The following TTC28 variants were observed in gnomAD, a reference collection of about 807,000 sequenced individuals.
The protein encoded by TTC28 is tetratricopeptide repeat domain 28, also known as tetratricopeptide repeat protein 28.
A neutral mutation model predicts 198.0 loss-of-function variants in TTC28; 61 were observed. The ratio of observed to expected loss-of-function variants is 0.31; its 90% CI spans 0.25 to 0.38. The LOEUF (loss-of-function observed/expected upper bound fraction) is 0.38, where lower values mean the gene tolerates loss of function less well. Ranked by LOEUF, TTC28 falls within the 10% of genes least tolerant of loss-of-function variation. The pLI is 1.00. For missense variants in TTC28, 2,678 were observed against 3,164.0 expected, an observed-to-expected ratio of 0.85 and a Z score of 3.69; for synonymous variants, 1,171 against 1,297.8, an observed-to-expected ratio of 0.90 and a Z score of 2.10.
chr22:28,444,458 G>A (rs1411461114), intron 2 of TTC28, among the ~76,000 whole-genome samples: 1 of 152,104 alleles, frequency 6.6e-6, no homozygotes, highest in Non-Finnish European at 1.5e-5. Context: ...TCTTTTCCAA[G>A]CCTGAGAATC....
intron 2 of TTC28, among the ~76,000 whole-genome samples, chr22:28,610,160 G>A (rs1255502563): frequency 1.8e-4 from 28 of 152,156 alleles, no homozygotes; most frequent in Non-Finnish European, 1.0e-4. Flanking sequence ...CATGGGTGCA[G>A]CTTCAGCAGA....
rs1232030443 is a variant in TTC28 at position 28,306,478 on chromosome 22, T to C, written c.529+18A>G. 1.9e-6 allele frequency: 3 copies of C among 1,544,942 alleles called. No individual in the cohort carries two copies. In the South Asian group the frequency reaches 3.6e-5, roughly 19 times the overall value. On this transcript the variant is annotated intron_variant, in intron 3 of 22. Coordinates refer to ENST00000397906, the MANE Select transcript of TTC28 (RefSeq NM_001145418.2). ...TTCTTTAAATTAATGTTATACCAAG[T>C]ACTTTTATCATATTTACCTCTCATG...
intron 2 of TTC28, among the ~76,000 whole-genome samples, chr22:28,371,509 C>CAAA (rs1229801209): frequency 0.016 from 100 of 6,102 alleles, 13 homozygotes; most frequent in South Asian, 0.16. Context: ...GACCCTGTCT[C>CAAA]AAAAAAAAAA....
chr22:28,616,304 A>G (rs1405906016), intron 2 of TTC28, among the ~76,000 whole-genome samples: 1 of 152,214 alleles, frequency 6.6e-6, no homozygotes, highest in Admixed American at 6.5e-5. Context: ...GATAAAAATG[A>G]TATCTACCTC....
chr22:28,261,612 G>T (rs1037664319), intron 5 of TTC28, among the ~76,000 whole-genome samples: 3 of 152,122 alleles, frequency 2.0e-5, no homozygotes, highest in African/African-American at 7.2e-5. Context: ...CACATAAAAA[G>T]AATTCAAATA....
chr22:28,225,286 C>T (rs778440411), intron 5 of TTC28, among the ~76,000 whole-genome samples: 35 of 150,900 alleles, frequency 2.3e-4, no homozygotes, highest in Non-Finnish European at 4.4e-4. Context: ...ACCCGAAAGG[C>T]GGAGGTTGCA....
intron 3 of TTC28, among the ~76,000 whole-genome samples, chr22:28,300,239 T>C (rs2044992536): frequency 6.6e-6 from 1 of 152,210 alleles, no homozygotes; most frequent in Non-Finnish European, 1.5e-5. Flanking sequence ...TTATTATAGA[T>C]GGCAGAAGCA....
intron 21 of TTC28, among the ~76,000 whole-genome samples, chr22:27,989,074 C>T (rs1937308214): frequency 6.6e-6 from 1 of 152,206 alleles, no homozygotes; most frequent in Admixed American, 6.5e-5. Flanking sequence ...CACTGGGCCC[C>T]TAAGTGGGGC....
chr22:28,285,299 C>A (rs1186440951), intron 5 of TTC28, among the ~76,000 whole-genome samples: 1 of 152,156 alleles, frequency 6.6e-6, no homozygotes, highest in Non-Finnish European at 1.5e-5. Context: ...AACAGAAAGA[C>A]AAATACTGTA....
intron 2 of TTC28, among the ~76,000 whole-genome samples, chr22:28,494,248 A>C (rs2048421082): frequency 6.6e-6 from 1 of 152,208 alleles, no homozygotes; most frequent in Non-Finnish European, 1.5e-5. Flanking sequence ...CTCCACTCTT[A>C]AATATTAGAC....
chr22:28,648,892 G>A (rs1001823877), intron 1 of TTC28, among the ~76,000 whole-genome samples: 2 of 151,812 alleles, frequency 1.3e-5, no homozygotes, highest in Non-Finnish European at 2.9e-5. Flanking sequence ...CTGGGAAACA[G>A]AGCGAAACCT....
chr22:28,097,407 T>C (rs1465061344), intron 10 of TTC28, among the ~76,000 whole-genome samples: 2 of 152,244 alleles, frequency 1.3e-5, no homozygotes, highest in Non-Finnish European at 2.9e-5. Flanking sequence ...ACACACTTTT[T>C]TCCTTATCCC....
At position 27,983,747 on chromosome 22, in the gene TTC28, G is replaced by T; in HGVS notation, c.5920C>A (p.Gln1974Lys). The T allele has an allele frequency of 6.4e-7, 1 of 1,551,668 alleles. No individual in the cohort carries two copies. The highest frequency in any genetic ancestry group is 1.2e-5 in the South Asian group (1 of 84,052). Residue 1974 changes from glutamine (Q) to lysine (K), a missense_variant, in exon 23 of 23, where the codon CAA becomes AAA. This residue lies in a region of TTC28 where 622 missense variants were observed against 656.0 expected (regional missense o/e 0.95). Transcript: ENST00000397906. ...GCACCGGTGGGAGAGAAGGGGGGTT[G>T]CTGGTAACCCAAGGGCAGGGCGTTG... Reference protein sequence around the residue: ...VSNALPLGYQQPPFSPTGADS... With the variant: ...VSNALPLGYQKPPFSPTGADS...
At chr22:28,587,912 C>T (rs193142448) in intron 2 of TTC28, among the ~76,000 whole-genome samples, 11 of 150,918 alleles carry the variant, frequency 7.3e-5, no homozygotes, top group South Asian at 2.2e-4. Flanking sequence ...GAGACCAAGG[C>T]GGGTGGGTCA....
At chr22:28,584,759 A>T (rs997788472) in intron 2 of TTC28, among the ~76,000 whole-genome samples, 2 of 152,206 alleles carry the variant, frequency 1.3e-5, no homozygotes, top group Non-Finnish European at 2.9e-5. Flanking sequence ...AGTTACTAAA[A>T]AGTTGGACTT....
At chr22:28,542,820 T>C (rs1414175004) in intron 2 of TTC28, among the ~76,000 whole-genome samples, 1 of 151,894 alleles carries the variant, frequency 6.6e-6, no homozygotes, top group Non-Finnish European at 1.5e-5. Context: ...CAGATGCTTA[T>C]AGGAAAAAAA....
At chr22:28,032,154 T>C (rs562595015) in intron 12 of TTC28, among the ~76,000 whole-genome samples, 1 of 139,002 alleles carries the variant, frequency 7.2e-6, no homozygotes, top group Admixed American at 7.5e-5. Flanking sequence ...CCTATTTATA[T>C]CTACTTAGTG....
chr22:28,199,015 A>T (rs959729778), intron 5 of TTC28, among the ~76,000 whole-genome samples: 1 of 152,120 alleles, frequency 6.6e-6, no homozygotes, highest in East Asian at 1.9e-4. Context: ...TCAGTGTCAC[A>T]ACATAATGTT....
chr22:28,276,304 C>T (rs940997886), intron 5 of TTC28, among the ~76,000 whole-genome samples: 8 of 152,086 alleles, frequency 5.3e-5, no homozygotes, highest in African/African-American at 1.7e-4. Flanking sequence ...TGAGCCACAG[C>T]GCCTGGCCCA....
Sources: allele counts gnomAD v4.1 joint callset (sites outside exome capture counted in the v4.1 genomes callset), GRCh38; gene constraint gnomAD v4.1.1; regional missense constraint gnomAD v4.1.1; transcripts MANE v1.5; gene names NCBI Gene and HGNC (gene_info 2026-07-23, HGNC 2026-07-21).